Variants in DCHS2 observed in about 807,000 individuals in gnomAD.
The protein encoded by DCHS2 is protocadherin-23.
Under a neutral mutation model 182.4 loss-of-function variants are expected in DCHS2, and 142 were observed. The ratio of observed to expected loss-of-function variants is 0.78; its 90% CI spans 0.68 to 0.89. DCHS2 has a LOEUF of 0.89. DCHS2 is among the 40% of genes least tolerant of loss of function. DCHS2 has a pLI of 0.00. For synonymous variants in DCHS2, 1,740 were observed against 1,663.3 expected, an observed-to-expected ratio of 1.05 and a Z score of -1.12; for missense variants, 4,319 against 4,198.6, an observed-to-expected ratio of 1.03 and a Z score of -0.79.
Position 154,426,002 on chromosome 4 carries a change from T to C in DCHS2, c.2053-48558A>G, listed in dbSNP as rs142405478. On this transcript the variant is annotated intron_variant, in intron 1 of 19. Transcript: ENST00000357232. ...CATGGATCCCTGGGCCTTTCTTTGA[T>C]CGCCCTCCCCTGCCCTATTTTTTGT... Among the ~76,000 whole-genome samples, 87 of 152,330 alleles carry C rather than the reference T, an allele frequency of 5.7e-4. 1 individual carries two copies. The highest frequency in any genetic ancestry group is 1.9e-3 in the African/African-American group (81 of 41,578).
intron 10 of DCHS2, among the ~76,000 whole-genome samples, chr4:154,307,462 CACAT>C (rs1735490865): frequency 6.6e-6 from 1 of 151,866 alleles, no homozygotes; most frequent in Admixed American, 6.6e-5. Context: ...CACACACACA[CACAT>C]ATCTACCTTC....
intron 12 of DCHS2, among the ~76,000 whole-genome samples, chr4:154,299,803 T>C (rs1482000788): frequency 1.3e-5 from 2 of 152,180 alleles, no homozygotes; most frequent in Non-Finnish European, 2.9e-5. Flanking sequence ...GAGTAAGACA[T>C]GACCTAGCTC....
chr4:154,236,042 A>G lies in DCHS2; in HGVS notation c.8610T>C (p.Ile2870=). ...ATASLVVWVD[I]EGIDEFEPIF... ...TGGGCTCAAATTCATCTATCCCTTC[A>G]ATATCCACCCAGACCACTAAGGAGG... The change falls in exon 20 of 20, where the codon ATT becomes ATC. Residue 2870 remains isoleucine, a synonymous_variant. Coordinates refer to ENST00000357232, the MANE Select transcript of DCHS2 (RefSeq NM_001358235.2). 6.2e-7 allele frequency: 1 copy of G among 1,613,860 alleles called. No homozygotes were observed. The highest frequency in any genetic ancestry group is 8.5e-7 in the Non-Finnish European group (1 of 1,179,932).
intron 3 of DCHS2, chr4:154,357,380 G>T: frequency 8.7e-7 from 1 of 1,149,276 alleles, no homozygotes; most frequent in Non-Finnish European, 1.3e-6. Context: ...AAAAGAAAAA[G>T]CAGGTAAGCT....
intron 6 of DCHS2, 79 bp from the exon 7 acceptor site, chr4:154,328,271 A>G: frequency 1.1e-6 from 1 of 949,290 alleles, no homozygotes; most frequent in South Asian, 1.7e-5. Flanking sequence ...AAATGAATGA[A>G]TACATTATAC....
Position 154,322,363 on chromosome 4 carries a change from G to A in DCHS2, c.4144C>T (p.Pro1382Ser), listed in dbSNP as rs1317465091. Residue 1382 changes from proline (P) to serine (S), a missense_variant, in exon 8 of 20, where the codon CCT (proline) becomes TCT (serine). Coordinates refer to ENST00000357232, the MANE Select transcript of DCHS2 (RefSeq NM_001358235.2). Reference protein sequence around the residue: ...SVIATDQGVPPLQGQAVVNIQ... With the variant: ...SVIATDQGVPSLQGQAVVNIQ... ...TTAACAACTGCCTGTCCTTGAAGAG[G>A]AGGCACTCCCTGGTCAGTGGCAATG... 3 of 1,613,704 alleles carry A rather than the reference G, an allele frequency of 1.9e-6. No individual in the cohort carries two copies. The East Asian group carries it at 6.7e-5, about 36-fold the overall frequency.
intron 4 of DCHS2, 64 bp from the exon 5 acceptor site, chr4:154,333,558 A>G: frequency 6.8e-7 from 1 of 1,462,024 alleles, no homozygotes; most frequent in Admixed American, 2.2e-5. Flanking sequence ...AAACTCAGAA[A>G]TTGAAATGTT....
At chr4:154,430,796 C>A (rs897662541) in intron 1 of DCHS2, among the ~76,000 whole-genome samples, 7 of 152,052 alleles carry the variant, frequency 4.6e-5, no homozygotes, top group Admixed American at 4.6e-4. Context: ...CTCTAAATTC[C>A]CAGTTGTTCC....
intron 1 of DCHS2, among the ~76,000 whole-genome samples, chr4:154,405,218 TC>T (rs2110880174): frequency 6.6e-6 from 1 of 152,150 alleles, no homozygotes; most frequent in South Asian, 2.1e-4. Context: ...GCCATTGCAC[TC>T]CATCCTGGGC....
chr4:154,452,449 C>A (rs960152605), intron 1 of DCHS2, among the ~76,000 whole-genome samples: 1 of 151,822 alleles, frequency 6.6e-6, no homozygotes, highest in Non-Finnish European at 1.5e-5. Flanking sequence ...CATGGTGAAA[C>A]CTCGTCTCTA....
At chr4:154,345,441 A>C (rs768258738) in intron 3 of DCHS2, among the ~76,000 whole-genome samples, 16 of 152,238 alleles carry the variant, frequency 1.1e-4, no homozygotes, top group Non-Finnish European at 1.8e-4. Flanking sequence ...TAGATGTAAT[A>C]ATCACTATGG....
At chr4:154,469,242 T>G (rs570638336) in intron 1 of DCHS2, among the ~76,000 whole-genome samples, 3 of 149,592 alleles carry the variant, frequency 2.0e-5, no homozygotes, top group Non-Finnish European at 4.5e-5. Context: ...AAAATTTCTA[T>G]TTTTTTTTTA....
intron 1 of DCHS2, among the ~76,000 whole-genome samples, chr4:154,421,349 C>T (rs1321951534): frequency 6.6e-6 from 1 of 151,772 alleles, no homozygotes; most frequent in Non-Finnish European, 1.5e-5. Flanking sequence ...AGTTTCCTCT[C>T]TTTATTAGAC....
intron 16 of DCHS2, among the ~76,000 whole-genome samples, chr4:154,254,719 C>T (rs1340584057): frequency 6.6e-6 from 1 of 152,106 alleles, no homozygotes; most frequent in Admixed American, 6.6e-5. Flanking sequence ...TGGCTGTAAA[C>T]CCAGCCACTT....
At chr4:154,356,633 T>C (rs2110741259) in intron 3 of DCHS2, among the ~76,000 whole-genome samples, 1 of 152,326 alleles carries the variant, frequency 6.6e-6, no homozygotes, top group Non-Finnish European at 1.5e-5. Context: ...TGTTTAGATA[T>C]ACAAATTCTT....
At chr4:154,265,785 A>T (rs1400785566) in intron 14 of DCHS2, among the ~76,000 whole-genome samples, 1 of 152,128 alleles carries the variant, frequency 6.6e-6, no homozygotes, top group Non-Finnish European at 1.5e-5. Flanking sequence ...GAAAAAAGAG[A>T]TATAAAAAGG....
intron 1 of DCHS2, among the ~76,000 whole-genome samples, chr4:154,465,243 G>T (rs1410093906): frequency 6.6e-6 from 1 of 152,090 alleles, no homozygotes; most frequent in Non-Finnish European, 1.5e-5. Context: ...CCTCCAAGTT[G>T]ACTCATCTGA....
chr4:154,396,617 T>C (rs1446060894), intron 1 of DCHS2, among the ~76,000 whole-genome samples: 3 of 152,180 alleles, frequency 2.0e-5, no homozygotes. Context: ...ACCTCCTTTA[T>C]AGCCTATTCT....
At chr4:154,445,389 T>A (rs1373135466) in intron 1 of DCHS2, among the ~76,000 whole-genome samples, 1 of 152,250 alleles carries the variant, frequency 6.6e-6, no homozygotes, top group East Asian at 1.9e-4. Context: ...AGGTCACTTA[T>A]GCAAGTAACC....
Sources: gnomAD v4.1 joint callset for allele counts (sites outside exome capture counted in the v4.1 genomes callset) on GRCh38, gnomAD v4.1.1 for gene constraint, MANE v1.5 for transcripts, NCBI Gene and HGNC (gene_info 2026-07-23, HGNC 2026-07-21) for gene names.